SNAP91: variants seen among roughly 807,000 people sequenced by gnomAD.
The protein encoded by SNAP91 is clathrin coat assembly protein AP180.
In SNAP91, 27 loss-of-function variants were observed where a neutral mutation model predicts 100.3. That is an observed-to-expected ratio of 0.27 (90% confidence interval 0.20 to 0.37). The LOEUF is 0.37. Ranked by LOEUF, SNAP91 falls within the 10% of genes least tolerant of loss-of-function variation. SNAP91 has a pLI of 1.00. For missense variants in SNAP91, 986 were observed against 1,123.7 expected (o/e 0.88, Z 1.75); for synonymous variants, 404 against 398.6 (o/e 1.01, Z -0.16).
intron 8 of SNAP91, among the ~76,000 whole-genome samples, chr6:83,631,861 C>T (rs576162550): frequency 2.6e-5 from 4 of 151,952 alleles, no homozygotes; most frequent in African/African-American, 9.7e-5. Context: ...TGTGAGGTAC[C>T]ATTCCATTCA....
At chr6:83,563,350 C>T (rs1260510605) in intron 26 of SNAP91, among the ~76,000 whole-genome samples, 1 of 152,022 alleles carries the variant, frequency 6.6e-6, no homozygotes, top group Non-Finnish European at 1.5e-5. Context: ...ACAAAAAATA[C>T]TCAACGAACT....
At chr6:83,699,439 C>A (rs1406905841) in intron 2 of SNAP91, among the ~76,000 whole-genome samples, 2 of 151,704 alleles carry the variant, frequency 1.3e-5, no homozygotes, top group Non-Finnish European at 2.9e-5. Flanking sequence ...CAAGACACAG[C>A]TAAACAGAGA....
chr6:83,664,381 C>T (rs1034843252), intron 3 of SNAP91, among the ~76,000 whole-genome samples: 2 of 152,008 alleles, frequency 1.3e-5, no homozygotes, highest in African/African-American at 4.8e-5. Context: ...TTCTAGATGC[C>T]ATTAAAAACA....
At chr6:83,684,503 T>C (rs112400721) in intron 2 of SNAP91, among the ~76,000 whole-genome samples, 1,978 of 152,304 alleles carry the variant, frequency 0.013, 37 homozygotes, top group African/African-American at 0.045. Context: ...GCTCATATAA[T>C]ACCTTCTTTG....
intron 7 of SNAP91, among the ~76,000 whole-genome samples, chr6:83,653,547 T>G (rs1194556687): frequency 6.6e-6 from 1 of 152,036 alleles, no homozygotes; most frequent in African/African-American, 2.4e-5. Flanking sequence ...TTGGAGCCCT[T>G]AGCCTATTAA....
chr6:83,703,699 G>T (rs188307743), intron 2 of SNAP91, among the ~76,000 whole-genome samples: 1 of 152,138 alleles, frequency 6.6e-6, no homozygotes, highest in East Asian at 1.9e-4. Context: ...TAAAATTCTA[G>T]TATCTCTCAA....
At chr6:83,649,506 A>C (rs1361306179) in intron 7 of SNAP91, among the ~76,000 whole-genome samples, 2 of 152,192 alleles carry the variant, frequency 1.3e-5, no homozygotes, top group Non-Finnish European at 2.9e-5. Context: ...CTTCAGCTTC[A>C]TTCTATTCAT....
At chr6:83,582,170 T>C in intron 23 of SNAP91, 52 bp downstream of exon 23, 1 of 1,596,004 alleles carries the variant, frequency 6.3e-7, no homozygotes, top group Non-Finnish European at 8.6e-7. Context: ...AGGTAGTACT[T>C]TTTTTTATTA....
rs566743349 is a variant in SNAP91 at position 83,603,831 on chromosome 6, C to T, written c.1141+1854G>A. On this transcript the variant is annotated intron_variant, in intron 14 of 29. Transcript: ENST00000369694. ...TACAGCCCTGGCTAAAACCATACTG[C>T]TCTGCTTTGTCTTTTTATGTCCAAT... Among the ~76,000 whole-genome samples, 3 of 152,212 alleles carry T rather than the reference C, an allele frequency of 2.0e-5. No individual in the cohort carries two copies. The South Asian group carries it at 6.2e-4, about 32-fold the overall frequency.
intron 11 of SNAP91, among the ~76,000 whole-genome samples, chr6:83,612,603 C>T (rs1318849859): frequency 4.6e-5 from 7 of 152,128 alleles, no homozygotes; most frequent in African/African-American, 1.7e-4. Flanking sequence ...AGGCCAGGTG[C>T]GGTGGCTCAC....
At position 83,616,949 on chromosome 6, in the gene SNAP91, A is replaced by C; in HGVS notation, c.878+20T>G. The C allele has an allele frequency of 6.9e-7, 1 of 1,452,326 alleles. No homozygotes were observed. The highest frequency in any genetic ancestry group is 9.4e-7 in the Non-Finnish European group (1 of 1,063,216). The allele number at this position is 1,452,326 out of a possible 1,614,324, so 90.0% of individuals were successfully genotyped here. A position where few individuals can be genotyped will look rare whatever the true frequency, so the allele number is the denominator to read the frequency against. ...CTGTAGTATTTTTCATCTTATTTAGAATATACAACTAATGCGTACTTGTTT... is the reference window on the plus strand; with the variant it reads ...CTGTAGTATTTTTCATCTTATTTAGCATATACAACTAATGCGTACTTGTTT... On this transcript the variant is annotated intron_variant, in intron 10 of 29. Coordinates refer to ENST00000369694, the MANE Select transcript of SNAP91 (RefSeq NM_001242792.2).
intron 10 of SNAP91, among the ~76,000 whole-genome samples, chr6:83,616,341 A>AC (rs1349248480): frequency 6.6e-6 from 1 of 151,468 alleles, no homozygotes; most frequent in Non-Finnish European, 1.5e-5. Context: ...ATGGAAAAAG[A>AC]AAAAAAAAGG....
At chr6:83,601,035 A>C (rs2095144751) in intron 16 of SNAP91, among the ~76,000 whole-genome samples, 1 of 152,348 alleles carries the variant, frequency 6.6e-6, no homozygotes, top group Non-Finnish European at 1.5e-5. Context: ...TCTAATGTTA[A>C]AAAACGTGAA....
chr6:83,687,169 G>A (rs1006928494), intron 2 of SNAP91, among the ~76,000 whole-genome samples: 2 of 152,120 alleles, frequency 1.3e-5, no homozygotes, highest in Admixed American at 6.5e-5. Flanking sequence ...TTGTAATATA[G>A]ATAGAGTGAG....
At chr6:83,674,086 T>C (rs1167235221) in intron 2 of SNAP91, among the ~76,000 whole-genome samples, 1 of 152,182 alleles carries the variant, frequency 6.6e-6, no homozygotes, top group African/African-American at 2.4e-5. Context: ...TGTTTTTAAC[T>C]GAAAATCAAA....
intron 8 of SNAP91, among the ~76,000 whole-genome samples, chr6:83,629,053 T>G (rs1263206889): frequency 6.6e-6 from 1 of 152,138 alleles, no homozygotes; most frequent in Non-Finnish European, 1.5e-5. Flanking sequence ...AGGTGAGAGG[T>G]GAGGATCCAG....
At chr6:83,652,506 A>G (rs1488610158) in intron 7 of SNAP91, among the ~76,000 whole-genome samples, 1 of 152,008 alleles carries the variant, frequency 6.6e-6, no homozygotes, top group Non-Finnish European at 1.5e-5. Context: ...ATTCCTCCCT[A>G]CTATCCCTTG....
At chr6:83,651,484 G>A in intron 7 of SNAP91, among the ~76,000 whole-genome samples, 1 of 152,012 alleles carries the variant, frequency 6.6e-6, no homozygotes, top group East Asian at 1.9e-4. Flanking sequence ...CATTTCTCTT[G>A]AGCTTTCTTC....
intron 9 of SNAP91, among the ~76,000 whole-genome samples, chr6:83,621,734 A>G (rs1234515784): frequency 1.3e-5 from 2 of 152,126 alleles, no homozygotes; most frequent in African/African-American, 4.8e-5. Context: ...CAGACTGCCC[A>G]AACTAAGTAT....
Sources: gnomAD v4.1 joint callset for allele counts (sites outside exome capture counted in the v4.1 genomes callset) on GRCh38, gnomAD v4.1.1 for gene constraint, MANE v1.5 for transcripts, NCBI Gene and HGNC (gene_info 2026-07-23, HGNC 2026-07-21) for gene names.